WDFY3: variants seen among roughly 807,000 people sequenced by gnomAD.
WDFY3 encodes WD repeat and FYVE domain-containing protein 3.
A neutral mutation model predicts 409.6 loss-of-function variants in WDFY3; 66 were observed. The observed-to-expected ratio is 0.16, with a 90% CI of 0.13 to 0.20. WDFY3 has a LOEUF of 0.20. Among genes scored for constraint, WDFY3 ranks in the 10% least tolerant of loss-of-function variants. WDFY3 has a pLI of 1.00. For missense variants in WDFY3, 3,031 were observed against 4,298.1 expected (o/e 0.71, Z 8.24); for synonymous variants, 1,521 against 1,537.1 (o/e 0.99, Z 0.25).
In WDFY3 at chr4:84,797,986, CA is replaced by C; in HGVS notation, c.2935+9del. 2 of 1,587,988 alleles carry C rather than the reference CA, an allele frequency of 1.3e-6. No individual in the cohort carries two copies. Among genetic ancestry groups the C allele is most frequent in the South Asian group, 1.2e-5 (1 of 86,696 alleles). ...TAAAATAAATCAAAAAAGGGAATTT[CA>C]AAACTTACTTCTCATTTCTGGTTCA... On this transcript the variant is annotated intron_variant, in intron 18 of 67. Coordinates refer to ENST00000295888, the MANE Select transcript of WDFY3 (RefSeq NM_014991.6).
At chr4:84,854,190 G>A (rs989110904) in intron 4 of WDFY3, among the ~76,000 whole-genome samples, 1 of 152,126 alleles carries the variant, frequency 6.6e-6, no homozygotes, top group African/African-American at 2.4e-5. Context: ...AAAGAGACAA[G>A]GAAAGAGGGT....
chr4:84,671,294 C>A lies in WDFY3; in HGVS notation c.*1574G>T, dbSNP rs1725408432. 1 of 152,620 alleles carries A rather than the reference C, an allele frequency of 6.6e-6. No individual in the cohort carries two copies. The highest frequency in any genetic ancestry group is 3.4e-3 in the Middle Eastern group (1 of 294). 9.5% of individuals were successfully genotyped at this position (152,620 alleles called of 1,614,324 possible). On this transcript the variant is annotated 3_prime_UTR_variant, in exon 68 of 68. Transcript: ENST00000295888. ...AGATGGAAAATTGGAAAAGCCAAAG[C>A]CGCTGTCCTTTGCATGATGCCTCTG... is the stretch of plus-strand genomic sequence containing the variant.
intron 26 of WDFY3, 86 bp downstream of exon 26, chr4:84,780,020 CAG>C: frequency 7.4e-7 from 1 of 1,353,444 alleles, no homozygotes; most frequent in Non-Finnish European, 9.8e-7. Flanking sequence ...ATAATTCTTC[CAG>C]AGTTTCAAAC....
At chr4:84,901,285 G>A (rs763267965) in intron 2 of WDFY3, among the ~76,000 whole-genome samples, 6 of 152,194 alleles carry the variant, frequency 3.9e-5, no homozygotes, top group Admixed American at 6.5e-5. Context: ...GTAATTAGAG[G>A]TGGGGCCTTT....
At chr4:84,765,673 C>T (rs1213120797) in intron 32 of WDFY3, 137 bp downstream of exon 32, 6 of 674,656 alleles carry the variant, frequency 8.9e-6, no homozygotes, top group Admixed American at 3.0e-5. Flanking sequence ...ATCTTGTAAG[C>T]TCTTCCTTCT....
At position 84,898,762 on chromosome 4, in the gene WDFY3, C is replaced by A. The variant is rs75632989; in HGVS notation, c.-131-1752G>T. On this transcript the variant is annotated intron_variant, in intron 2 of 67. Transcript: ENST00000295888. ...CTTTTTGTGGCAAAGGGAATCACAA[C>A]AAAATGGAAAGTGAATTCTGCATCC... Among the ~76,000 whole-genome samples the A allele has an allele frequency of 2.1e-4, 32 of 152,222 alleles. No homozygotes were observed. The East Asian group carries it at 6.2e-3, about 29-fold the overall frequency.
chr4:84,765,692 T>C, intron 32 of WDFY3, 118 bp downstream of exon 32: 1 of 784,288 alleles, frequency 1.3e-6, no homozygotes, highest in Non-Finnish European at 1.9e-6. Flanking sequence ...CTATCATTAA[T>C]TAAAATTAAT....
chr4:84,841,003 A>C, intron 6 of WDFY3, 151 bp downstream of exon 6: 1 of 677,192 alleles, frequency 1.5e-6, no homozygotes, highest in Non-Finnish European at 2.4e-6. Context: ...TGTTATGAGA[A>C]GCATGAAATA....
chr4:84,916,865 C>T (rs2150806289), intron 2 of WDFY3, among the ~76,000 whole-genome samples: 1 of 152,236 alleles, frequency 6.6e-6, no homozygotes, highest in East Asian at 1.9e-4. Flanking sequence ...CATTTAGACT[C>T]TGGCTGGCAA....
At chr4:84,776,371 T>C (rs551897918) in intron 27 of WDFY3, among the ~76,000 whole-genome samples, 40 of 152,064 alleles carry the variant, frequency 2.6e-4, no homozygotes, top group Non-Finnish European at 4.7e-4. Flanking sequence ...TACTTGTGGT[T>C]TGGAGTAATT....
rs116764926 is a variant in WDFY3, at chr4:84,733,302, A to T, written c.7221+80T>A. 2.1e-4 allele frequency: 312 copies of T among 1,457,588 alleles called. 1 individual carries two copies. The highest frequency in any genetic ancestry group is 2.8e-4 in the Non-Finnish European group (298 of 1,070,424). The allele number at this position is 1,457,588 out of a possible 1,614,324, so 90.3% of individuals were successfully genotyped here. ...TAAAATTAGCTATTTGAGGTAATTG[A>T]CTAAATAGAGAAAAAACGCTTACAG... On this transcript the variant is annotated intron_variant, in intron 44 of 67. Transcript: ENST00000295888.
rs191134203 is a variant in WDFY3, at chr4:84,750,365, T to A, written c.5973+1118A>T. Among the ~76,000 whole-genome samples the A allele has an allele frequency of 6.2e-3, 941 of 152,020 alleles. 3 individuals carry two copies. The highest frequency in any genetic ancestry group is 0.013 in the East Asian group (67 of 5,178). Reference sequence around the variant, plus strand: ...GGTACCCTAATTACATTAGTGATTTTAAAAAAAATTGACCAAATTGAGATA... The same window carrying A: ...GGTACCCTAATTACATTAGTGATTTAAAAAAAAATTGACCAAATTGAGATA... On this transcript the variant is annotated intron_variant, in intron 36 of 67. Coordinates refer to ENST00000295888, the MANE Select transcript of WDFY3 (RefSeq NM_014991.6).
chr4:84,749,641 A>G (rs1740146035), intron 36 of WDFY3, among the ~76,000 whole-genome samples: 1 of 152,212 alleles, frequency 6.6e-6, no homozygotes, highest in South Asian at 2.1e-4. Flanking sequence ...AGCTACCAAG[A>G]ACTTATCAAT....
intron 61 of WDFY3, 69 bp from the exon 62 acceptor site, chr4:84,688,334 G>A: frequency 4.0e-6 from 6 of 1,483,956 alleles, no homozygotes; most frequent in Non-Finnish European, 5.5e-6. Context: ...GACTCCAGAA[G>A]CTCCTGGATG....
chr4:84,899,343 A>G (rs1766044741), intron 2 of WDFY3, among the ~76,000 whole-genome samples: 1 of 152,248 alleles, frequency 6.6e-6, no homozygotes. Context: ...CTTATAAATT[A>G]GGTGAGCTTG....
rs139367271 is a variant in WDFY3 at position 84,812,353 on chromosome 4, G to GCA, written c.1888-2011_1888-2010dup. On this transcript the variant is annotated intron_variant, in intron 13 of 67. Transcript: ENST00000295888. ...AACACAGACATGTATGCGCATGCAC[G>GCA]CACACACACACACATACACTCCTTA... Among the ~76,000 whole-genome samples, 209 of 151,098 alleles carry GCA rather than the reference G, an allele frequency of 1.4e-3. 1 individual carries two copies. In the East Asian group the frequency reaches 0.03, roughly 22 times the overall value.
intron 40 of WDFY3, among the ~76,000 whole-genome samples, chr4:84,738,551 G>A (rs1737856293): frequency 6.7e-6 from 1 of 149,790 alleles, no homozygotes; most frequent in Non-Finnish European, 1.5e-5. Context: ...GTAGTGAGCT[G>A]AAATAGTGCC....
At chr4:84,682,746 C>T in intron 63 of WDFY3, 1 of 333,210 alleles carries the variant, frequency 3.0e-6, no homozygotes, top group South Asian at 3.5e-5. Context: ...CTTTGGGAAG[C>T]CAAGATGGGC....
At chr4:84,684,819 C>T (rs561578445) in intron 62 of WDFY3, among the ~76,000 whole-genome samples, 12 of 152,070 alleles carry the variant, frequency 7.9e-5, no homozygotes, top group Non-Finnish European at 1.8e-4. Context: ...TAAATTCTAC[C>T]AGGCTGGGCT....
Sources: gnomAD v4.1 joint callset for allele counts (sites outside exome capture counted in the v4.1 genomes callset) on GRCh38, gnomAD v4.1.1 for gene constraint, MANE v1.5 for transcripts, NCBI Gene and HGNC (gene_info 2026-07-23, HGNC 2026-07-21) for gene names.